Variants in OSBPL9 observed in about 807,000 individuals in gnomAD.
The protein encoded by OSBPL9 is oxysterol-binding protein-related protein 9.
In OSBPL9, 40 loss-of-function variants were observed where a neutral mutation model predicts 106.6. That is an observed-to-expected ratio of 0.38 (90% CI 0.29 to 0.49). The LOEUF is 0.49. OSBPL9 is among the 20% of genes least tolerant of loss of function. The probability of loss-of-function intolerance (pLI) is 0.97; values close to 1 mark genes in which losing one functional copy is unlikely to be tolerated. For synonymous variants in OSBPL9, 269 were observed against 295.4 expected (o/e 0.91, Z 0.92); for missense variants, 609 against 887.2 (o/e 0.69, Z 3.98).
At chr1:51,759,474 G>A (rs1671045439) in intron 9 of OSBPL9, 2 of 151,932 alleles carry the variant, frequency 1.3e-5, no homozygotes, top group Non-Finnish European at 2.9e-5. Context: ...GCTTTTTTGG[G>A]CTTATTTATT....
chr1:51,533,812 A>AT, the OSBPL9 span, among the ~76,000 whole-genome samples: 42 of 131,402 alleles, frequency 3.2e-4, no homozygotes, highest in African/African-American at 3.5e-4. Context: ...ATGCCTGGGC[A>AT]TTTTTTTTTC....
At chr1:51,574,594 G>C (rs1392482465), upstream of OSBPL9, among the ~76,000 whole-genome samples, 1 of 152,084 alleles carries the variant, frequency 6.6e-6, no homozygotes, top group African/African-American at 2.4e-5. Flanking sequence ...ACTCCAGCCT[G>C]TGCGACAGAG....
Position 51,729,748 on chromosome 1 carries a change from A to G in OSBPL9, c.318+15669A>G, listed in dbSNP as rs1035078005. The G allele has an allele frequency of 3.6e-6, 4 of 1,108,726 alleles. No homozygotes were observed. Among genetic ancestry groups the G allele is most frequent in the East Asian group, 3.2e-5 (1 of 30,802 alleles). 68.7% of individuals were successfully genotyped at this position (1,108,726 alleles called of 1,614,324 possible). ...AATCGCCAGGGGTCTCTTTGCCAGG[A>G]GCCGCCAGGGCCAGCCAATCGGGGC... On this transcript the variant is annotated intron_variant, in intron 4 of 23. Transcript: ENST00000428468. The surrounding 1 kb of genome is among the most constrained non-coding windows in gnomAD (Gnocchi z 5.1).
At chr1:51,722,560 A>G (rs770246471) in intron 4 of OSBPL9, among the ~76,000 whole-genome samples, 3 of 152,208 alleles carry the variant, frequency 2.0e-5, no homozygotes, top group Non-Finnish European at 4.4e-5. Context: ...AGTACCTAAT[A>G]CATGCCATTC....
At chr1:51,565,941 A>C in the OSBPL9 span, 2 of 152,238 alleles carry the variant, frequency 1.3e-5, no homozygotes, top group East Asian at 3.8e-4. Flanking sequence ...TTCTATTCAT[A>C]GCTATATCCA....
intron 1 of OSBPL9, among the ~76,000 whole-genome samples, chr1:51,594,112 T>G (rs1645288578): frequency 6.6e-6 from 1 of 151,792 alleles, no homozygotes; most frequent in African/African-American, 2.4e-5. Context: ...ACACAGAAAA[T>G]TTGGCTAGGC....
At chr1:51,577,943 G>T (rs1256230921) in intron 1 of OSBPL9, among the ~76,000 whole-genome samples, 1 of 152,150 alleles carries the variant, frequency 6.6e-6, no homozygotes, top group Non-Finnish European at 1.5e-5. Context: ...TGTGAGAAAA[G>T]CCCTTTATAA....
chr1:51,707,165 G>T, intron 3 of OSBPL9: 1 of 398,336 alleles, frequency 2.5e-6, no homozygotes, highest in East Asian at 8.0e-5. Context: ...GGACCATGAG[G>T]TCCACCACCC....
the OSBPL9 span, among the ~76,000 whole-genome samples, chr1:51,562,355 C>A: frequency 6.6e-6 from 1 of 152,200 alleles, no homozygotes; most frequent in Non-Finnish European, 1.5e-5. Context: ...ACCCTGCCAT[C>A]ACTTTCCGCC....
chr1:51,715,691 C>T (rs1213267599), intron 4 of OSBPL9, among the ~76,000 whole-genome samples: 1 of 152,224 alleles, frequency 6.6e-6, no homozygotes, highest in Non-Finnish European at 1.5e-5. Context: ...CAAGAGCCAC[C>T]TGCCCTTGTA....
chr1:51,615,155 G>A (rs557475495), upstream of OSBPL9, among the ~76,000 whole-genome samples: 6 of 152,280 alleles, frequency 3.9e-5, no homozygotes, highest in South Asian at 4.2e-4. Context: ...GGGAGGCTGC[G>A]GCAAGAGAAT....
chr1:51,682,781 G>A (rs1481878186), intron 3 of OSBPL9, among the ~76,000 whole-genome samples: 1 of 150,874 alleles, frequency 6.6e-6, no homozygotes, highest in East Asian at 1.9e-4. Context: ...AAAAGAAAAT[G>A]TGTATATATA....
At chr1:51,532,780 G>A in the OSBPL9 span, among the ~76,000 whole-genome samples, 331 of 152,166 alleles carry the variant, frequency 2.2e-3, 2 homozygotes, top group African/African-American at 7.2e-3. Context: ...TTGGAATTTA[G>A]GTGGGTAAAA....
At chr1:51,787,545 A>G (rs2149171888) in intron 23 of OSBPL9, 57 bp downstream of exon 23, 1 of 1,609,262 alleles carries the variant, frequency 6.2e-7, no homozygotes, top group Non-Finnish European at 8.5e-7. Flanking sequence ...ATTTCAGTGA[A>G]TGTTGAAGAA....
intron 7 of OSBPL9, chr1:51,749,682 G>C (rs550556352): frequency 5.1e-6 from 1 of 196,240 alleles, no homozygotes; most frequent in Non-Finnish European, 1.1e-5. Flanking sequence ...AATCAGATTC[G>C]TATGTCTTTC....
At chr1:51,577,001 G>T (rs1196645229), upstream of OSBPL9, among the ~76,000 whole-genome samples, 1 of 152,116 alleles carries the variant, frequency 6.6e-6, no homozygotes, top group Non-Finnish European at 1.5e-5. Context: ...TGTTTGGATC[G>T]TGGGGAGAAT....
chr1:51,649,271 T>G (rs1646360080), intron 1 of OSBPL9, among the ~76,000 whole-genome samples: 1 of 152,078 alleles, frequency 6.6e-6, no homozygotes, highest in Non-Finnish European at 1.5e-5. Context: ...CATGCCCAGC[T>G]AATTTTTGTA....
At chr1:51,710,663 C>T (rs914945705) in intron 3 of OSBPL9, among the ~76,000 whole-genome samples, 1 of 152,216 alleles carries the variant, frequency 6.6e-6, no homozygotes, top group African/African-American at 2.4e-5. Flanking sequence ...GACAGTTACT[C>T]TCTTTTAGCC....
chr1:51,574,146 T>A (rs142840832), upstream of OSBPL9: 5 of 152,364 alleles, frequency 3.3e-5, no homozygotes, highest in Admixed American at 3.3e-4. Context: ...TGTCAAGGGA[T>A]GACTCTGATA....
Sources: gnomAD v4.1 joint callset for allele counts (sites outside exome capture counted in the v4.1 genomes callset) on GRCh38, gnomAD v4.1.1 for gene constraint, Gnocchi (gnomAD v3.1) non-coding constraint, MANE v1.5 for transcripts, NCBI Gene and HGNC (gene_info 2026-07-23, HGNC 2026-07-21) for gene names.